SOX6: variants seen among roughly 807,000 people sequenced by gnomAD.
SOX6 encodes the protein SRY-box transcription factor 6, also known as transcription factor SOX-6.
A neutral mutation model predicts 97.8 loss-of-function variants in SOX6; 11 were observed. The observed-to-expected ratio is 0.11, with a 90% CI of 0.07 to 0.19. SOX6 has a LOEUF of 0.19. SOX6 is among the 10% of genes least tolerant of loss of function. The probability of loss-of-function intolerance (pLI) is 1.00; values close to 1 mark genes in which losing one functional copy is unlikely to be tolerated. For missense variants in SOX6, 810 were observed against 1,039.5 expected (o/e 0.78, Z 3.04); for synonymous variants, 360 against 371.4 (o/e 0.97, Z 0.35).
At chr11:15,993,554 T>C (rs1490051524) in intron 13 of SOX6, among the ~76,000 whole-genome samples, 2 of 152,174 alleles carry the variant, frequency 1.3e-5, no homozygotes, top group Non-Finnish European at 2.9e-5. Flanking sequence ...AAATGACAGT[T>C]GCTGAAAGGC....
chr11:16,065,501 GA>G (rs61196649), intron 9 of SOX6, among the ~76,000 whole-genome samples: 4 of 151,308 alleles, frequency 2.6e-5, no homozygotes, highest in Admixed American at 1.3e-4. Context: ...CACAGAAATA[GA>G]AAAAAAATCC....
chr11:16,266,428 G>T (rs1007249853), intron 3 of SOX6, among the ~76,000 whole-genome samples: 1 of 151,484 alleles, frequency 6.6e-6, no homozygotes, highest in Admixed American at 6.6e-5. Context: ...AATATTAAAG[G>T]AAATCCATCA....
chr11:16,616,002 A>C, intron 3 of SOX6, among the ~76,000 whole-genome samples: 1 of 152,312 alleles, frequency 6.6e-6, no homozygotes, highest in East Asian at 1.9e-4. Flanking sequence ...ACTAAAATTC[A>C]AAGTACCCCT....
At chr11:16,085,402 A>T (rs933965738) in intron 9 of SOX6, among the ~76,000 whole-genome samples, 2 of 152,160 alleles carry the variant, frequency 1.3e-5, no homozygotes, top group Non-Finnish European at 2.9e-5. Flanking sequence ...GAGTTTTTAA[A>T]CTGAGCCTCT....
intron 1 of SOX6, among the ~76,000 whole-genome samples, chr11:16,446,148 A>G (rs1437762924): frequency 3.9e-5 from 6 of 152,098 alleles, no homozygotes; most frequent in Non-Finnish European, 8.8e-5. Flanking sequence ...TCTTTCTAAT[A>G]AAAGAATGAA....
At chr11:16,652,147 G>T (rs367915507) in intron 3 of SOX6, among the ~76,000 whole-genome samples, 66 of 152,146 alleles carry the variant, frequency 4.3e-4, no homozygotes, top group African/African-American at 1.5e-3. Context: ...CCATGCTCAC[G>T]GATGGATAGA....
At chr11:16,672,925 CAAAG>C (rs1847857546) in intron 3 of SOX6, among the ~76,000 whole-genome samples, 1 of 152,068 alleles carries the variant, frequency 6.6e-6, no homozygotes, top group Non-Finnish European at 1.5e-5. Flanking sequence ...TCAAAAAAGA[CAAAG>C]AAGGGAATTA....
chr11:16,158,886 G>A (rs1589983037), intron 6 of SOX6, among the ~76,000 whole-genome samples: 1 of 151,822 alleles, frequency 6.6e-6, no homozygotes, highest in East Asian at 1.9e-4. Flanking sequence ...GTGTGTGTGT[G>A]TGTGTGTGTG....
chr11:16,086,460 C>T (rs1030215503), intron 9 of SOX6, among the ~76,000 whole-genome samples: 5 of 152,126 alleles, frequency 3.3e-5, no homozygotes, highest in South Asian at 2.1e-4. Flanking sequence ...AGGCAGGCAT[C>T]GTGACCCAGC....
Position 16,678,916 on chromosome 11 carries a change from C to T in SOX6, n.429+35914G>A, listed in dbSNP as rs571517669. On this transcript the variant is annotated intron_variant and non_coding_transcript_variant, in intron 3 of 5. Transcript: ENST00000524520. ...GTGGGGGGAGGGGCATCCGCCATTG[C>T]TGAGGCTTCAGTAGGCAGTTTTATG... Among the ~76,000 whole-genome samples the T allele has an allele frequency of 3.3e-5, 5 of 152,312 alleles. No homozygotes were observed. In the South Asian group the frequency reaches 8.3e-4, roughly 25 times the overall value.
At chr11:16,219,702 C>G (rs1005152952) in intron 4 of SOX6, among the ~76,000 whole-genome samples, 1 of 151,860 alleles carries the variant, frequency 6.6e-6, no homozygotes, top group African/African-American at 2.4e-5. Context: ...AAGTGGTTAG[C>G]CCAGTAATTT....
chr11:16,209,116 G>T (rs749435077), intron 4 of SOX6, among the ~76,000 whole-genome samples: 15 of 152,156 alleles, frequency 9.9e-5, no homozygotes, highest in Non-Finnish European at 2.1e-4. Flanking sequence ...TTATGAAATT[G>T]TAACATAATG....
intron 3 of SOX6, among the ~76,000 whole-genome samples, chr11:16,655,556 C>G (rs1011233372): frequency 3.9e-5 from 6 of 152,198 alleles, no homozygotes; most frequent in African/African-American, 1.4e-4. Context: ...TTATCCTGCT[C>G]AGTACTCAAA....
chr11:16,707,382 A>T (rs1848145825), intron 3 of SOX6, among the ~76,000 whole-genome samples: 1 of 152,186 alleles, frequency 6.6e-6, no homozygotes, highest in Non-Finnish European at 1.5e-5. Flanking sequence ...ACATAGGAAC[A>T]GCCAAAGATG....
At chr11:16,564,675 C>A (rs988454490) in intron 4 of SOX6, among the ~76,000 whole-genome samples, 6 of 151,888 alleles carry the variant, frequency 4.0e-5, no homozygotes, top group African/African-American at 1.5e-4. Flanking sequence ...ATCTCCAAAT[C>A]CTTGGAAACT....
At chr11:16,664,830 A>C (rs917910890) in intron 3 of SOX6, among the ~76,000 whole-genome samples, 1 of 151,972 alleles carries the variant, frequency 6.6e-6, no homozygotes, top group South Asian at 2.1e-4. Flanking sequence ...GGTAAAGAGT[A>C]CTTTGTCTTG....
intron 13 of SOX6, among the ~76,000 whole-genome samples, chr11:16,009,367 T>C (rs1305819363): frequency 6.6e-6 from 1 of 151,958 alleles, no homozygotes; most frequent in Non-Finnish European, 1.5e-5. Context: ...GATGAGAAAA[T>C]TTAGGGGAAG....
chr11:16,327,339 C>G (rs1856132204), intron 2 of SOX6, among the ~76,000 whole-genome samples: 1 of 151,938 alleles, frequency 6.6e-6, no homozygotes, highest in Admixed American at 6.6e-5. Flanking sequence ...GTCCTTTGTC[C>G]AATTGCCCTT....
chr11:16,582,013 C>A (rs538132200), intron 4 of SOX6, among the ~76,000 whole-genome samples: 1 of 149,574 alleles, frequency 6.7e-6, no homozygotes. Flanking sequence ...TTTGCAACAA[C>A]ATGGATGCAG....
Sources: gnomAD v4.1 joint callset for allele counts (sites outside exome capture counted in the v4.1 genomes callset) on GRCh38, gnomAD v4.1.1 for gene constraint, MANE v1.5 for transcripts, NCBI Gene and HGNC (gene_info 2026-07-23, HGNC 2026-07-21) for gene names.